ST18: variants seen among roughly 807,000 people sequenced by gnomAD.
The protein encoded by ST18 is ST18 C2H2C-type zinc finger transcription factor.
ST18 carries 50 observed loss-of-function variants against 110.0 expected under a neutral mutation model. The observed-to-expected ratio is 0.45, with a 90% confidence interval of 0.36 to 0.58. ST18 has a LOEUF of 0.58. Among genes scored for constraint, ST18 ranks in the 20% least tolerant of loss-of-function variants. The pLI, the probability that ST18 is intolerant of heterozygous loss-of-function variation, is 0.00. For synonymous variants in ST18, 461 were observed against 452.4 expected (o/e 1.02, Z -0.24); for missense variants, 1,306 against 1,280.1 (o/e 1.02, Z -0.31).
intron 2 of ST18, among the ~76,000 whole-genome samples, chr8:52,377,632 A>G (rs1414353694): frequency 6.6e-6 from 1 of 152,212 alleles, no homozygotes; most frequent in Non-Finnish European, 1.5e-5. Flanking sequence ...GAGAAAGGAG[A>G]ACCCTTATAC....
intron 2 of ST18, among the ~76,000 whole-genome samples, chr8:52,334,903 C>T (rs1306126105): frequency 6.6e-6 from 1 of 152,098 alleles, no homozygotes; most frequent in South Asian, 2.1e-4. Flanking sequence ...CAAGCTTGCT[C>T]CACCCACCTT....
intron 8 of ST18, among the ~76,000 whole-genome samples, chr8:52,194,196 G>A (rs2075467720): frequency 1.3e-5 from 2 of 152,068 alleles, no homozygotes; most frequent in South Asian, 4.1e-4. Context: ...TAATAACAAC[G>A]AGAGGAGTAA....
intron 15 of ST18, among the ~76,000 whole-genome samples, chr8:52,156,844 C>T (rs1236058253): frequency 6.6e-5 from 10 of 152,168 alleles, no homozygotes; most frequent in African/African-American, 2.4e-4. Context: ...AACTACTATG[C>T]AAAGGAGACA....
At chr8:52,173,949 T>A (rs937115480) in intron 9 of ST18, among the ~76,000 whole-genome samples, 1 of 152,158 alleles carries the variant, frequency 6.6e-6, no homozygotes, top group African/African-American at 2.4e-5. Context: ...CAAAAATACA[T>A]CTCCATCATC....
chr8:52,332,530 C>CT (rs140331895), intron 2 of ST18, among the ~76,000 whole-genome samples: 692 of 49,802 alleles, frequency 0.014, 25 homozygotes, highest in African/African-American at 0.023. Context: ...TCTAATGTAG[C>CT]TTTTTTTTTT....
intron 10 of ST18, chr8:52,171,472 T>C: frequency 2.3e-6 from 1 of 431,344 alleles, no homozygotes. Flanking sequence ...ATCCAGTAAA[T>C]ACTGATGTAC....
In ST18 at chr8:52,294,143, C is replaced by T. The variant is rs1025851613; in HGVS notation, c.-464-64066G>A. Among the ~76,000 whole-genome samples the T allele has an allele frequency of 5.3e-5, 8 of 152,192 alleles. No individual in the cohort carries two copies. The South Asian group carries it at 8.3e-4, about 16-fold the overall frequency. ...TGGGGCTCCAGCCTAACCAGAGCTT[C>T]CCCAGGGCCTCTGTGAGGCACAAGG... On this transcript the variant is annotated intron_variant, in intron 2 of 25. Transcript: ENST00000689386.
chr8:52,148,132 C>A lies in ST18; in HGVS notation c.2052+1600G>T, dbSNP rs1017488364. ...TGCACACTTGCCAGTTTGTGGTCGTCATTTGAGGCAAATGAGCTTCTTAAA... is the reference window on the plus strand; with the variant it reads ...TGCACACTTGCCAGTTTGTGGTCGTAATTTGAGGCAAATGAGCTTCTTAAA... On this transcript the variant is annotated intron_variant, in intron 16 of 25. Transcript: ENST00000689386. 5.3e-5 allele frequency among the ~76,000 whole-genome samples: 8 copies of A among 151,594 alleles called. No individual in the cohort carries two copies. The East Asian group carries it at 1.5e-3, about 29-fold the overall frequency.
At chr8:52,226,295 T>C (rs1416910381) in intron 3 of ST18, among the ~76,000 whole-genome samples, 2 of 152,146 alleles carry the variant, frequency 1.3e-5, no homozygotes, top group Non-Finnish European at 2.9e-5. Context: ...TGCATTGCTG[T>C]CTTTGGGGTG....
At chr8:52,118,265 TAAAA>T in intron 24 of ST18, 69 bp downstream of exon 24, 1 of 1,022,530 alleles carries the variant, frequency 9.8e-7, no homozygotes. Flanking sequence ...ACACAAGTTT[TAAAA>T]TTTCAATGTT....
intron 3 of ST18, among the ~76,000 whole-genome samples, chr8:52,227,845 T>C (rs1011660520): frequency 2.0e-5 from 3 of 152,166 alleles, no homozygotes; most frequent in African/African-American, 7.2e-5. Flanking sequence ...CTTGTCCAGG[T>C]CCAGTTTCTC....
chr8:52,368,773 C>G (rs1311259765), intron 2 of ST18, among the ~76,000 whole-genome samples: 1 of 152,084 alleles, frequency 6.6e-6, no homozygotes, highest in African/African-American at 2.4e-5. Flanking sequence ...ACAACTGTAA[C>G]AGGATGAATA....
intron 2 of ST18, among the ~76,000 whole-genome samples, chr8:52,356,756 A>G (rs1822930555): frequency 6.6e-6 from 1 of 152,194 alleles, no homozygotes; most frequent in South Asian, 2.1e-4. Flanking sequence ...AAAATGCCTC[A>G]CCAAATAGAA....
chr8:52,303,737 CA>C (rs1270862850), intron 2 of ST18, among the ~76,000 whole-genome samples: 2 of 152,134 alleles, frequency 1.3e-5, no homozygotes, highest in African/African-American at 2.4e-5. Flanking sequence ...CCATAGTGTT[CA>C]AAAGCATCAA....
At chr8:52,265,385 C>T (rs955579643) in intron 2 of ST18, among the ~76,000 whole-genome samples, 1 of 152,166 alleles carries the variant, frequency 6.6e-6, no homozygotes, top group African/African-American at 2.4e-5. Flanking sequence ...GGGAGGGCTC[C>T]AGCTAGAGGA....
At chr8:52,280,408 AT>A (rs2095353886) in intron 2 of ST18, among the ~76,000 whole-genome samples, 1 of 152,104 alleles carries the variant, frequency 6.6e-6, no homozygotes, top group Non-Finnish European at 1.5e-5. Flanking sequence ...ACACATGAAC[AT>A]ATATACATGT....
chr8:52,255,064 G>A (rs1361214484), intron 2 of ST18, among the ~76,000 whole-genome samples: 2 of 152,074 alleles, frequency 1.3e-5, no homozygotes, highest in Non-Finnish European at 2.9e-5. Context: ...AGTAAATAGA[G>A]GCCCCACTTC....
intron 22 of ST18, among the ~76,000 whole-genome samples, chr8:52,129,451 CAAAAAAAAAAAA>C (rs34059224): frequency 2.8e-5 from 2 of 72,246 alleles, no homozygotes; most frequent in Non-Finnish European, 5.8e-5. Context: ...GAGACTCCAT[CAAAAAAAAAAAA>C]AAAAAAAAAA....
intron 8 of ST18, among the ~76,000 whole-genome samples, chr8:52,195,503 T>C (rs573722587): frequency 6.6e-6 from 1 of 152,158 alleles, no homozygotes; most frequent in East Asian, 1.9e-4. Flanking sequence ...TAAAGAAAGA[T>C]AAAAATAAAA....
Sources: allele counts gnomAD v4.1 joint callset (sites outside exome capture counted in the v4.1 genomes callset), GRCh38; gene constraint gnomAD v4.1.1; transcripts MANE v1.5; gene names NCBI Gene and HGNC (gene_info 2026-07-23, HGNC 2026-07-21).